The following PIGV variants were observed in gnomAD, a reference collection of about 807,000 sequenced individuals.
PIGV encodes phosphatidylinositol glycan anchor biosynthesis class V.
Under a neutral mutation model 39.2 loss-of-function variants are expected in PIGV, and 27 were observed. That is an observed-to-expected ratio of 0.69 (90% CI 0.51 to 0.95). The LOEUF (loss-of-function observed/expected upper bound fraction) is 0.95. Ranked by LOEUF, PIGV falls within the 40% of genes least tolerant of loss-of-function variation. The pLI is 0.00. For missense variants in PIGV, 523 were observed against 586.4 expected (o/e 0.89, Z 1.12); for synonymous variants, 232 against 241.7 (o/e 0.96, Z 0.37).
chr1:26,789,774 C>T (rs2081287494), intron 1 of PIGV, among the ~76,000 whole-genome samples: 1 of 152,120 alleles, frequency 6.6e-6, no homozygotes, highest in African/African-American at 2.4e-5. Flanking sequence ...GTCTTCCAGC[C>T]GTCCTCCTTA....
chr1:26,789,894 T>C (rs771959782), intron 1 of PIGV, among the ~76,000 whole-genome samples: 7 of 152,234 alleles, frequency 4.6e-5, no homozygotes, highest in Non-Finnish European at 8.8e-5. Context: ...AGGCTGGTGT[T>C]TGAAAGTTCT....
intron 2 of PIGV, among the ~76,000 whole-genome samples, chr1:26,793,734 C>T (rs2081341807): frequency 6.6e-6 from 1 of 152,002 alleles, no homozygotes; most frequent in African/African-American, 2.4e-5. Context: ...CCCCAAGTAG[C>T]TGGGACTACA....
rs2081415187 is a variant in PIGV, at chr1:26,798,503, G to A, written c.*659G>A. On this transcript the variant is annotated 3_prime_UTR_variant, in exon 4 of 4. Coordinates refer to ENST00000674202, the MANE Select transcript of PIGV (RefSeq NM_017837.4). ...AGGTGGGCAGATCACTTGAGGCCAGGAGTTTGAGACCGGCCTGGCCAACAT... is the reference window on the plus strand; with the variant it reads ...AGGTGGGCAGATCACTTGAGGCCAGAAGTTTGAGACCGGCCTGGCCAACAT... 1 of 153,074 alleles carries A rather than the reference G, an allele frequency of 6.5e-6. No homozygotes were observed. The highest frequency in any genetic ancestry group is 2.1e-4 in the South Asian group (1 of 4,868). 9.5% of individuals were successfully genotyped at this position (153,074 alleles called of 1,614,324 possible). A position where few individuals can be genotyped will look rare whatever the true frequency, so the allele number is the denominator to read the frequency against.
rs2081433506 is a variant in PIGV, at chr1:26,800,089, A to G, written c.*2245A>G. 6.6e-6 allele frequency among the ~76,000 whole-genome samples: 1 copy of G among 152,082 alleles called. No individual in the cohort carries two copies. The highest frequency in any genetic ancestry group is 1.5e-5 in the Non-Finnish European group (1 of 68,016). The stretch of plus-strand genomic sequence containing the variant: ...CTGGCAGTCTCAGTTTAACCTTCAC[A>G]CTAGATCTCATCATGCCCAGAAACC... On this transcript the variant is annotated 3_prime_UTR_variant, in exon 4 of 4. Transcript: ENST00000674202.
chr1:26,795,105 G>A lies in PIGV; in HGVS notation c.1071G>A (p.Gly357=), dbSNP rs2124197474. 1 of 1,614,114 alleles carries A rather than the reference G, an allele frequency of 6.2e-7. No individual in the cohort carries two copies. Among genetic ancestry groups the A allele is most frequent in the Middle Eastern group, 1.6e-4 (1 of 6,062 alleles). ...TTHPWLCLTL[G]LQRSKNNKTL... ...ACCCTTGGCTCTGCCTTACACTTGGGCTGCAAAGGAGCAAGAACAATAAGA... is the reference window on the plus strand; with the variant it reads ...ACCCTTGGCTCTGCCTTACACTTGGACTGCAAAGGAGCAAGAACAATAAGA... The change falls in exon 3 of 4, where the codon GGG becomes GGA. Residue 357 remains glycine (G), a synonymous_variant. Coordinates refer to ENST00000674202, the MANE Select transcript of PIGV (RefSeq NM_017837.4).
At chr1:26,791,520 G>C (rs547946378) in intron 2 of PIGV, among the ~76,000 whole-genome samples, 13 of 152,242 alleles carry the variant, frequency 8.5e-5, no homozygotes, top group African/African-American at 2.9e-4. Flanking sequence ...CACAGTGCTT[G>C]GTGCCTAGCT....
intron 1 of PIGV, among the ~76,000 whole-genome samples, chr1:26,790,471 A>C (rs2081295309): frequency 6.6e-6 from 1 of 152,224 alleles, no homozygotes; most frequent in Non-Finnish European, 1.5e-5. Context: ...AGTTGAACCC[A>C]GATCTTTAGT....
In PIGV at chr1:26,799,897, T is replaced by C. The variant is rs2081431237; in HGVS notation, c.*2053T>C. On this transcript the variant is annotated 3_prime_UTR_variant, in exon 4 of 4. Transcript: ENST00000674202. ...GCTGCAAATCCAGAGACTTCCACCT[T>C]GCGTGCAGGAAGTGTTGGGGTCCTG... is the stretch of plus-strand genomic sequence containing the variant. 6.6e-6 allele frequency among the ~76,000 whole-genome samples: 1 copy of C among 152,178 alleles called. No individual in the cohort carries two copies. The highest frequency in any genetic ancestry group is 1.5e-5 in the Non-Finnish European group (1 of 68,032).
chr1:26,790,802 C>G lies in PIGV; in HGVS notation c.-14C>G, dbSNP rs2124180977. 1 of 1,611,724 alleles carries G rather than the reference C, an allele frequency of 6.2e-7. No homozygotes were observed. Among genetic ancestry groups the G allele is most frequent in the Admixed American group, 1.7e-5 (1 of 60,030 alleles). On this transcript the variant is annotated 5_prime_UTR_variant, in exon 2 of 4. Coordinates refer to ENST00000674202, the MANE Select transcript of PIGV (RefSeq NM_017837.4). ...TCCTGGTAGCAACACCCCTGAATTC[C>G]TGGTGGTGAAAGGATGTGGCCCCAG...
At chr1:26,788,766 C>G (rs750344430) in intron 1 of PIGV, 1 of 152,166 alleles carries the variant, frequency 6.6e-6, no homozygotes, top group Non-Finnish European at 1.5e-5. Flanking sequence ...GATGAGATCT[C>G]TGGAGCCTAT....
intron 1 of PIGV, among the ~76,000 whole-genome samples, chr1:26,789,429 C>T (rs2081282847): frequency 6.6e-6 from 1 of 152,210 alleles, no homozygotes; most frequent in Non-Finnish European, 1.5e-5. Context: ...GCTTCTGTGA[C>T]TTTGTCGTCT....
Position 26,790,729 on chromosome 1 carries a change from T to C in PIGV, c.-57-30T>C, listed in dbSNP as rs551759880. 8.1e-5 allele frequency: 84 copies of C among 1,037,936 alleles called. 2 individuals carry two copies. In the South Asian group the frequency reaches 1.0e-3, roughly 13 times the overall value. The allele number at this position is 1,037,936 out of a possible 1,614,324, so 64.3% of individuals were successfully genotyped here. A position where few individuals can be genotyped will look rare whatever the true frequency, so the allele number is the denominator to read the frequency against. On this transcript the variant is annotated intron_variant, in intron 1 of 3. Transcript: ENST00000674202. ...CTTTCAAGAATTTGCTTTCACTCGATGTGTGACATTTTCCTCCTTTGGGGT... is the reference window on the plus strand; with the variant it reads ...CTTTCAAGAATTTGCTTTCACTCGACGTGTGACATTTTCCTCCTTTGGGGT...
rs1027048852 is a variant in PIGV, at chr1:26,798,895, A to G, written c.*1051A>G. ...CCATGTGACTTGGGAGAGTTTTCAGAACCTTAGTTACCACCTCTGAAACCA... is the reference window on the plus strand; with the variant it reads ...CCATGTGACTTGGGAGAGTTTTCAGGACCTTAGTTACCACCTCTGAAACCA... On this transcript the variant is annotated 3_prime_UTR_variant, in exon 4 of 4. Transcript: ENST00000674202. Among the ~76,000 whole-genome samples, 4 of 152,132 alleles carry G rather than the reference A, an allele frequency of 2.6e-5. No homozygotes were observed. Among genetic ancestry groups the G allele is most frequent in the African/African-American group, 9.7e-5 (4 of 41,406 alleles).
chr1:26,795,761 A>G (rs1051972074), intron 3 of PIGV, among the ~76,000 whole-genome samples: 1 of 150,522 alleles, frequency 6.6e-6, no homozygotes, highest in Non-Finnish European at 1.5e-5. Context: ...GTCTCATGGT[A>G]TAAATAGGAG....
rs2081359780 is a variant in PIGV, at chr1:26,794,831, C to T, written c.797C>T (p.Pro266Leu). 1.2e-6 allele frequency: 2 copies of T among 1,613,926 alleles called. No homozygotes were observed. The highest frequency in any genetic ancestry group is 1.7e-6 in the Non-Finnish European group (2 of 1,179,826). The change falls in exon 3 of 4, where the codon CCA becomes CTA. Residue 266 changes from proline (P) to leucine (L), a missense_variant. By Grantham distance (98) the Pro-to-Leu change is moderately conservative. Transcript: ENST00000674202. Reference protein sequence around the residue: ...QYYAYTQFCLPGSARPIPEPL... With the variant: ...QYYAYTQFCLLGSARPIPEPL... ...TATGCCTACACCCAATTCTGTCTGC[C>T]AGGCTCAGCCCGCCCCATTCCTGAG... is the stretch of plus-strand genomic sequence containing the variant.
chr1:26,787,951 C>G lies in PIGV; in HGVS notation c.-375C>G, dbSNP rs905056259. 3 of 152,374 alleles carry G rather than the reference C, an allele frequency of 2.0e-5. No homozygotes were observed. Among genetic ancestry groups the G allele is most frequent in the Non-Finnish European group, 4.4e-5 (3 of 68,158 alleles). 9.4% of individuals were successfully genotyped at this position (152,374 alleles called of 1,614,324 possible). On this transcript the variant is annotated 5_prime_UTR_variant, in exon 1 of 4. Coordinates refer to ENST00000674202, the MANE Select transcript of PIGV (RefSeq NM_017837.4). ...GGACGCCGTCGGCGGAGCCAGCGCG[C>G]AGGCGCGGGCCGCGTGGGCCCCGGA...
chr1:26,795,468 T>C (rs2081369382), intron 3 of PIGV, among the ~76,000 whole-genome samples: 1 of 151,834 alleles, frequency 6.6e-6, no homozygotes, highest in South Asian at 2.1e-4. Flanking sequence ...ATCCCAGCAA[T>C]TTGGGAGGCT....
At position 26,794,190 on chromosome 1, in the gene PIGV, G is replaced by A. The variant is rs745321630; in HGVS notation, c.156G>A (p.Val52=). 1 of 1,614,206 alleles carries A rather than the reference G, an allele frequency of 6.2e-7. No individual in the cohort carries two copies. Among genetic ancestry groups the A allele is most frequent in the South Asian group, 1.1e-5 (1 of 91,088 alleles). The change falls in exon 3 of 4, where the codon GTG becomes GTA. Residue 52 remains valine, a synonymous_variant. Coordinates refer to ENST00000674202, the MANE Select transcript of PIGV (RefSeq NM_017837.4). ...SPPRLAPSGF[V]DQLVEGLLGG... ...CTCGCCTGGCCCCCTCAGGCTTTGTGGACCAACTCGTGGAAGGTCTTCTGG... is the reference window on the plus strand; with the variant it reads ...CTCGCCTGGCCCCCTCAGGCTTTGTAGACCAACTCGTGGAAGGTCTTCTGG...
upstream of PIGV, chr1:26,787,395 G>C (rs186585824): frequency 1.3e-5 from 2 of 152,200 alleles, no homozygotes; most frequent in East Asian, 3.8e-4. Flanking sequence ...CCTGAGGTGG[G>C]GCTGAGGACT....
Sources: allele counts gnomAD v4.1 joint callset (sites outside exome capture counted in the v4.1 genomes callset), GRCh38; gene constraint gnomAD v4.1.1; transcripts MANE v1.5; gene names NCBI Gene and HGNC (gene_info 2026-07-23, HGNC 2026-07-21).